Variants in MYO7A observed in about 807,000 individuals in gnomAD.
The protein encoded by MYO7A is myosin VIIA.
A neutral mutation model predicts 263.8 loss-of-function variants in MYO7A; 210 were observed. The ratio of observed to expected loss-of-function variants is 0.80; its 90% CI spans 0.71 to 0.89. MYO7A has a LOEUF of 0.89. Ranked by LOEUF, MYO7A falls within the 40% of genes least tolerant of loss-of-function variation. The probability of loss-of-function intolerance (pLI) is 0.00; values close to 1 mark genes in which losing one functional copy is unlikely to be tolerated. For missense variants in MYO7A, 2,820 were observed against 2,968.3 expected (o/e 0.95, Z 1.16); for synonymous variants, 1,239 against 1,197.3 (o/e 1.03, Z -0.72).
chr11:77,181,879 G>A (rs1955249415), intron 23 of MYO7A, 72 bp from the exon 24 acceptor site: 2 of 1,430,696 alleles, frequency 1.4e-6, no homozygotes, highest in East Asian at 4.6e-5. Context: ...TGAACTTCTG[G>A]GCTCAGGCGA....
At chr11:77,148,225 G>A (rs1189434770) in intron 4 of MYO7A, among the ~76,000 whole-genome samples, 1 of 152,234 alleles carries the variant, frequency 6.6e-6, no homozygotes, top group African/African-American at 2.4e-5. Context: ...GCCTCTCTAG[G>A]CCTTGAAACC....
chr11:77,206,811 A>G (rs56251502), intron 41 of MYO7A, among the ~76,000 whole-genome samples: 82,790 of 152,030 alleles, frequency 0.54, 22,801 homozygotes, highest in Admixed American at 0.61. Context: ...GAAATGCCAT[A>G]ACAGGATTTC....
chr11:77,199,808 C>T lies in MYO7A; in HGVS notation c.4842C>T (p.Asn1614=), dbSNP rs749146420. ...RSKYVVALQD[N]PNPAGEESGF... ...AGTATGTTGTGGCCCTGCAGGATAA[C>T]CCCAACCCCGGTGAGTGGCTGCTGG... The change falls in exon 35 of 49, where the codon AAC becomes AAT. Residue 1614 remains asparagine, a synonymous_variant. Coordinates refer to ENST00000409709, the MANE Select transcript of MYO7A (RefSeq NM_000260.4). 4 of 1,590,320 alleles carry T rather than the reference C, an allele frequency of 2.5e-6. No individual in the cohort carries two copies. Among genetic ancestry groups the T allele is most frequent in the East Asian group, 2.3e-5 (1 of 44,340 alleles).
In MYO7A at chr11:77,211,956, A is replaced by G; in HGVS notation, c.6354+19A>G. On this transcript the variant is annotated intron_variant, in intron 46 of 48. Coordinates refer to ENST00000409709, the MANE Select transcript of MYO7A (RefSeq NM_000260.4). ...GGTGAAGGTACACCATGGGCTTCTC[A>G]GAGCAGAGGAGGAGGGGAACAGGGC... 2 of 1,580,690 alleles carry G rather than the reference A, an allele frequency of 1.3e-6. No individual in the cohort carries two copies. The highest frequency in any genetic ancestry group is 1.7e-6 in the Non-Finnish European group (2 of 1,150,234).
intron 4 of MYO7A, among the ~76,000 whole-genome samples, chr11:77,151,308 G>A (rs35163574): frequency 1.2e-4 from 19 of 152,200 alleles, no homozygotes; most frequent in African/African-American, 3.4e-4. Context: ...CAGTCTTGGC[G>A]TGTGCCCTTG....
chr11:77,160,798 C>A (rs963302727), intron 11 of MYO7A, among the ~76,000 whole-genome samples, 175 bp from the exon 12 acceptor site: 17 of 152,054 alleles, frequency 1.1e-4, no homozygotes, highest in Non-Finnish European at 2.4e-4. Context: ...AGGAACTGTT[C>A]AAGCAGGAAA....
chr11:77,144,148 C>T (rs1161410456), intron 3 of MYO7A, among the ~76,000 whole-genome samples: 3 of 152,104 alleles, frequency 2.0e-5, no homozygotes, highest in Non-Finnish European at 2.9e-5. Flanking sequence ...ATTATCTCAG[C>T]GGCGACTTTG....
At chr11:77,189,247 A>C in intron 27 of MYO7A, 97 bp from the exon 28 acceptor site, 2 of 1,535,328 alleles carry the variant, frequency 1.3e-6, no homozygotes, top group Non-Finnish European at 1.8e-6. Flanking sequence ...GTTGGAGAGG[A>C]CAGCTGTGTG....
intron 46 of MYO7A, 29 bp from the exon 47 acceptor site, chr11:77,212,923 A>G (rs1282289575): frequency 9.8e-6 from 15 of 1,533,716 alleles, no homozygotes; most frequent in African/African-American, 1.4e-5. Flanking sequence ...CTGGGCCCCC[A>G]TCTGATGCCT....
chr11:77,155,453 C>T (rs1952361659), intron 4 of MYO7A, among the ~76,000 whole-genome samples: 1 of 152,206 alleles, frequency 6.6e-6, no homozygotes, highest in South Asian at 2.1e-4. Context: ...TCACGCCCCT[C>T]TTCCTCACCA....
At chr11:77,136,197 T>C (rs1950898271) in intron 2 of MYO7A, among the ~76,000 whole-genome samples, 1 of 152,222 alleles carries the variant, frequency 6.6e-6, no homozygotes, top group African/African-American at 2.4e-5. Flanking sequence ...TATTCTTTCA[T>C]CATTTTAAAT....
intron 46 of MYO7A, chr11:77,212,407 G>C (rs558588684): frequency 2.8e-6 from 1 of 357,932 alleles, no homozygotes; most frequent in East Asian, 7.4e-5. Flanking sequence ...GGAGGCGAGA[G>C]TGGGCTGTGG....
At chr11:77,207,571 C>T (rs1406899445) in intron 42 of MYO7A, among the ~76,000 whole-genome samples, 169 bp downstream of exon 42, 4 of 152,174 alleles carry the variant, frequency 2.6e-5, no homozygotes, top group African/African-American at 4.8e-5. Flanking sequence ...TGGCTGCCCC[C>T]AGCTCTCTCT....
At chr11:77,144,588 C>A (rs1441192241) in intron 3 of MYO7A, among the ~76,000 whole-genome samples, 1 of 152,114 alleles carries the variant, frequency 6.6e-6, no homozygotes, top group African/African-American at 2.4e-5. Context: ...CCTTCACAAG[C>A]CTTTCCCACC....
chr11:77,171,949 G>A (rs1305760318), intron 15 of MYO7A, among the ~76,000 whole-genome samples: 1 of 152,204 alleles, frequency 6.6e-6, no homozygotes, highest in Non-Finnish European at 1.5e-5. Context: ...TGTGGCTGGT[G>A]GAGCACAGAA....
chr11:77,139,861 AC>A (rs1247316738), intron 2 of MYO7A, among the ~76,000 whole-genome samples: 1 of 151,982 alleles, frequency 6.6e-6, no homozygotes, highest in Non-Finnish European at 1.5e-5. Flanking sequence ...GATCCTTACA[AC>A]CTGCCTGCCT....
In MYO7A at chr11:77,206,199, C is replaced by T. The variant is rs375992788; in HGVS notation, c.5739C>T (p.Asp1913=). The T allele has an allele frequency of 5.1e-5, 82 of 1,610,146 alleles. No homozygotes were observed. Among genetic ancestry groups the T allele is most frequent in the East Asian group, 3.8e-4 (17 of 44,768 alleles). The part of the protein sequence containing the change: ...FHKVYFPDDT[D]EAFEVESSTK... ...AAGTCTACTTCCCTGATGACACTGA[C>T]GAGGTGAGGGTCACCGGCTTCTAGG... is the stretch of plus-strand genomic sequence containing the variant. Residue 1913 remains aspartate (D), a synonymous_variant, in exon 41 of 49, where the codon GAC becomes GAT. Coordinates refer to ENST00000409709, the MANE Select transcript of MYO7A (RefSeq NM_000260.4).
chr11:77,191,180 C>T (rs1956039677), intron 30 of MYO7A: 1 of 218,898 alleles, frequency 4.6e-6, no homozygotes. Flanking sequence ...ATTAGTGGAG[C>T]ACGGTGGCGC....
chr11:77,205,377 A>T, intron 39 of MYO7A, 85 bp from the exon 40 acceptor site: 1 of 1,434,670 alleles, frequency 7.0e-7, no homozygotes, highest in South Asian at 1.3e-5. Context: ...GCTGAGGGGT[A>T]CATGGCCCCC....
Sources: allele counts gnomAD v4.1 joint callset (sites outside exome capture counted in the v4.1 genomes callset), GRCh38; gene constraint gnomAD v4.1.1; transcripts MANE v1.5; gene names NCBI Gene and HGNC (gene_info 2026-07-23, HGNC 2026-07-21).